Variants in TPST1 observed in about 807,000 individuals in gnomAD.
The protein encoded by TPST1 is tyrosylprotein sulfotransferase 1, also known as protein-tyrosine sulfotransferase 1.
A neutral mutation model predicts 34.8 loss-of-function variants in TPST1; 20 were observed. That is an observed-to-expected ratio of 0.57 (90% confidence interval 0.40 to 0.84). The LOEUF (loss-of-function observed/expected upper bound fraction) is 0.84. Ranked by LOEUF, TPST1 falls within the 40% of genes least tolerant of loss-of-function variation. The pLI, the probability that TPST1 is intolerant of heterozygous loss-of-function variation, is 0.00. For synonymous variants in TPST1, 152 were observed against 159.4 expected (o/e 0.95, Z 0.35); for missense variants, 353 against 455.5 (o/e 0.78, Z 2.05).
At chr7:66,330,981 T>C (rs1320263939) in intron 3 of TPST1, among the ~76,000 whole-genome samples, 1 of 152,222 alleles carries the variant, frequency 6.6e-6, no homozygotes, top group Non-Finnish European at 1.5e-5. Flanking sequence ...TGCTTCTAGC[T>C]CAGGATCTTT....
intron 2 of TPST1, among the ~76,000 whole-genome samples, chr7:66,248,446 T>C (rs2115582579): frequency 6.6e-6 from 1 of 152,050 alleles, no homozygotes; most frequent in South Asian, 2.1e-4. Context: ...ATGTGTAAAA[T>C]TTACAAAACT....
At position 66,359,339 on chromosome 7, in the gene TPST1, T is replaced by TGAG. The variant is rs768008457; in HGVS notation, c.*30-553_*30-551dup. 4 of 122,036 alleles carry TGAG rather than the reference T, an allele frequency of 3.3e-5. 1 individual carries two copies. Among genetic ancestry groups the TGAG allele is most frequent in the East Asian group, 3.0e-4 (1 of 3,364 alleles). The allele number at this position is 122,036 out of a possible 1,614,324, so 7.6% of individuals were successfully genotyped here. The stretch of plus-strand genomic sequence containing the variant: ...GAACCTTAGGACCCATTTCTTCACA[T>TGAG]GAGGAATCAGGGTGCTGCCCCCTGG... On this transcript the variant is annotated intron_variant, in intron 5 of 5. Transcript: ENST00000304842.
intron 1 of TPST1, among the ~76,000 whole-genome samples, chr7:66,231,283 C>A (rs1363894972): frequency 6.6e-6 from 1 of 152,258 alleles, no homozygotes; most frequent in Non-Finnish European, 1.5e-5. Context: ...GACTCAGGAG[C>A]CCAGCTGGCT....
intron 1 of TPST1, among the ~76,000 whole-genome samples, chr7:66,229,971 G>C (rs1789742605): frequency 1.3e-5 from 2 of 152,294 alleles, no homozygotes; most frequent in South Asian, 4.1e-4. Flanking sequence ...GGCGGATCAT[G>C]AGGTCAAGAG....
chr7:66,272,390 T>A (rs1166475963), intron 2 of TPST1, among the ~76,000 whole-genome samples: 1 of 152,156 alleles, frequency 6.6e-6, no homozygotes, highest in African/African-American at 2.4e-5. Context: ...CCTCAATAGA[T>A]GCAGAAAAGG....
intron 2 of TPST1, among the ~76,000 whole-genome samples, chr7:66,249,517 A>G (rs1790219967): frequency 6.6e-6 from 1 of 152,200 alleles, no homozygotes; most frequent in African/African-American, 2.4e-5. Flanking sequence ...ACCATTCATC[A>G]CAATCACATA....
At chr7:66,296,668 C>G (rs1489347256) in intron 3 of TPST1, among the ~76,000 whole-genome samples, 1 of 110,212 alleles carries the variant, frequency 9.1e-6, no homozygotes. Context: ...CCTAAAAATA[C>G]TGGGTTGGTT....
chr7:66,287,012 A>C (rs1171155047), intron 3 of TPST1, among the ~76,000 whole-genome samples: 7 of 97,486 alleles, frequency 7.2e-5, no homozygotes, highest in South Asian at 3.7e-4. Context: ...CCCTCCCCCA[A>C]CCCCACCACA....
At chr7:66,296,674 TG>T (rs1249551349) in intron 3 of TPST1, among the ~76,000 whole-genome samples, 1 of 122,688 alleles carries the variant, frequency 8.2e-6, no homozygotes, top group Non-Finnish European at 1.7e-5. Flanking sequence ...AATACTGGGT[TG>T]GTTTTTTTTT....
chr7:66,333,213 C>A (rs1380892795), intron 3 of TPST1, among the ~76,000 whole-genome samples: 1 of 152,128 alleles, frequency 6.6e-6, no homozygotes, highest in Admixed American at 6.5e-5. Flanking sequence ...GTCTACAAAC[C>A]CAAAGCAGCA....
At chr7:66,228,428 TA>T (rs1789709140) in intron 1 of TPST1, among the ~76,000 whole-genome samples, 1 of 152,224 alleles carries the variant, frequency 6.6e-6, no homozygotes, top group South Asian at 2.1e-4. Context: ...AAGTGTAATT[TA>T]AAATAGTACA....
intron 1 of TPST1, among the ~76,000 whole-genome samples, chr7:66,225,219 T>G (rs886514894): frequency 6.6e-6 from 1 of 151,014 alleles, no homozygotes; most frequent in African/African-American, 2.4e-5. Flanking sequence ...ACCCGGCCCA[T>G]TCTGGTATTC....
chr7:66,293,966 T>A (rs952962119), intron 3 of TPST1, among the ~76,000 whole-genome samples: 10 of 152,352 alleles, frequency 6.6e-5, no homozygotes, highest in Admixed American at 2.6e-4. Context: ...TTATATAGCC[T>A]ACCAGTTGAG....
intron 1 of TPST1, among the ~76,000 whole-genome samples, chr7:66,227,028 C>CATTTTTT (rs1789669914): frequency 1.4e-5 from 1 of 69,200 alleles, no homozygotes; most frequent in Non-Finnish European, 2.4e-5. Flanking sequence ...TTAAAATAAG[C>CATTTTTT]TTTTTTTTTT....
chr7:66,227,034 T>TTTTTTTTTTTG (rs1789672198), intron 1 of TPST1, among the ~76,000 whole-genome samples: 1 of 121,306 alleles, frequency 8.2e-6, no homozygotes, highest in African/African-American at 3.4e-5. Flanking sequence ...TAAGCTTTTT[T>TTTTTTTTTTTG]TTTTTTTTTT....
At chr7:66,225,562 A>C (rs1267937605) in intron 1 of TPST1, among the ~76,000 whole-genome samples, 1 of 152,010 alleles carries the variant, frequency 6.6e-6, no homozygotes, top group East Asian at 2.0e-4. Context: ...CAGTGAGCCG[A>C]GATTGTGCCA....
intron 2 of TPST1, among the ~76,000 whole-genome samples, chr7:66,269,953 CA>C (rs1400062730): frequency 6.6e-6 from 1 of 151,936 alleles, no homozygotes; most frequent in Admixed American, 6.6e-5. Flanking sequence ...ATGATAAAAA[CA>C]TATAGCATAT....
intron 3 of TPST1, among the ~76,000 whole-genome samples, chr7:66,328,907 T>TATATATATATA (rs1491359019): frequency 1.2e-4 from 3 of 24,308 alleles, no homozygotes; most frequent in African/African-American, 2.1e-4. Flanking sequence ...TATATATATA[T>TATATATATATA]TTTTTTTTTT....
rs140630936 is a variant in TPST1 at position 66,270,409 on chromosome 7, C to T, written c.846-16102C>T. The stretch of plus-strand genomic sequence containing the variant: ...CAGTCCAGAAGCTTTTTCATGTACC[C>T]TATCCCAAACTAAGTCCCCTCCTCT... On this transcript the variant is annotated intron_variant, in intron 2 of 5. Coordinates refer to ENST00000304842, the MANE Select transcript of TPST1 (RefSeq NM_003596.4). Among the ~76,000 whole-genome samples, 88 of 152,184 alleles carry T rather than the reference C, an allele frequency of 5.8e-4. 1 individual carries two copies. The highest frequency in any genetic ancestry group is 3.9e-4 in the Admixed American group (6 of 15,284).
Sources: gnomAD v4.1 joint callset for allele counts (sites outside exome capture counted in the v4.1 genomes callset) on GRCh38, gnomAD v4.1.1 for gene constraint, MANE v1.5 for transcripts, NCBI Gene and HGNC (gene_info 2026-07-23, HGNC 2026-07-21) for gene names.